Variants in THRAP3 observed in about 807,000 individuals in gnomAD.
THRAP3 encodes the protein thyroid hormone receptor-associated protein 3.
In THRAP3, 16 loss-of-function variants were observed where a neutral mutation model predicts 101.0. The observed-to-expected ratio is 0.16, with a 90% CI of 0.11 to 0.24. The LOEUF (loss-of-function observed/expected upper bound fraction) is 0.24. THRAP3 is among the 10% of genes least tolerant of loss of function. The pLI is 1.00. For missense variants in THRAP3, 989 were observed against 1,202.7 expected, an observed-to-expected ratio of 0.82 and a Z score of 2.63; for synonymous variants, 407 against 422.6, an observed-to-expected ratio of 0.96 and a Z score of 0.45.
intron 1 of THRAP3, among the ~76,000 whole-genome samples, chr1:36,245,968 C>T (rs1448947488): frequency 2.0e-5 from 3 of 152,136 alleles, no homozygotes; most frequent in African/African-American, 4.8e-5. Flanking sequence ...GTTCTAAGTA[C>T]ATTCCATGTA....
rs1646065813 is a variant in THRAP3 at position 36,304,124 on chromosome 1, C to T, written c.*107C>T. The T allele has an allele frequency of 7.1e-7, 1 of 1,410,728 alleles. No individual in the cohort carries two copies. The highest frequency in any genetic ancestry group is 3.0e-5 in the Admixed American group (1 of 32,880). The allele number at this position is 1,410,728 out of a possible 1,614,324, so 87.4% of individuals were successfully genotyped here. A position where few individuals can be genotyped will look rare whatever the true frequency, so the allele number is the denominator to read the frequency against. On this transcript the variant is annotated 3_prime_UTR_variant, in exon 12 of 12. Transcript: ENST00000354618. ...AAGAAGATTCTGAAAATCCTACCCC[C>T]ACCCCCCACCAGCCGCACAGATTGT...
chr1:36,303,112 A>ATTTTT (rs397936228), intron 11 of THRAP3, among the ~76,000 whole-genome samples: 11 of 125,132 alleles, frequency 8.8e-5, no homozygotes, highest in South Asian at 2.6e-4. Flanking sequence ...TGCCTGGCTA[A>ATTTTT]TTTTTTTTTT....
chr1:36,210,720 T>TG, the THRAP3 span, among the ~76,000 whole-genome samples: 242 of 9,276 alleles, frequency 0.026, 26 homozygotes, highest in South Asian at 0.082. Context: ...TATATATATA[T>TG]ATATATATAT....
intron 2 of THRAP3, among the ~76,000 whole-genome samples, chr1:36,275,116 TAC>T (rs142851565): frequency 5.0e-5 from 7 of 139,570 alleles, no homozygotes; most frequent in Admixed American, 1.4e-4. Context: ...TACTAAAAAA[TAC>T]ACACACACAC....
In THRAP3 at chr1:36,235,718, C is replaced by T. The variant is rs76952663; in HGVS notation, c.-135+11213C>T. Among the ~76,000 whole-genome samples the T allele has an allele frequency of 6.3e-3, 961 of 152,164 alleles. 11 individuals are homozygous for T. Among genetic ancestry groups the T allele is most frequent in the African/African-American group, 0.022 (910 of 41,504 alleles). On this transcript the variant is annotated intron_variant, in intron 1 of 11. Transcript: ENST00000354618. ...AACACTATGTACTTCAAGGAACACA[C>T]CTTAAGGATTTCCTATTGGACAGGT...
chr1:36,248,733 A>G (rs1645261723), intron 1 of THRAP3, among the ~76,000 whole-genome samples: 1 of 151,888 alleles, frequency 6.6e-6, no homozygotes, highest in Non-Finnish European at 1.5e-5. Context: ...CACTTGATTT[A>G]TACTTGTGTC....
chr1:36,300,369 T>A (rs1350133356), intron 9 of THRAP3, among the ~76,000 whole-genome samples: 1 of 152,204 alleles, frequency 6.6e-6, no homozygotes, highest in African/African-American at 2.4e-5. Flanking sequence ...AATACTGAGT[T>A]GTATTGTCCT....
chr1:36,299,830 CCT>C (rs1348276023), intron 9 of THRAP3, among the ~76,000 whole-genome samples: 1 of 152,108 alleles, frequency 6.6e-6, no homozygotes, highest in African/African-American at 2.4e-5. Flanking sequence ...TTTTTGAAAA[CCT>C]CTTGAAATAG....
the THRAP3 span, among the ~76,000 whole-genome samples, chr1:36,216,331 C>G: frequency 6.6e-5 from 10 of 151,868 alleles, no homozygotes; most frequent in Middle Eastern, 3.4e-3. Flanking sequence ...ACCAGACTGG[C>G]CAACATGGTG....
chr1:36,218,831 G>A, the THRAP3 span, among the ~76,000 whole-genome samples: 1,190 of 151,918 alleles, frequency 7.8e-3, 8 homozygotes, highest in African/African-American at 0.027. Flanking sequence ...TCAGGAGTTC[G>A]AGACCAGCCT....
Position 36,286,650 on chromosome 1 carries a change from G to T in THRAP3, c.420G>T (p.Arg140Ser). 6.2e-7 allele frequency: 1 copy of T among 1,614,132 alleles called. No homozygotes were observed. Among genetic ancestry groups the T allele is most frequent in the Non-Finnish European group, 8.5e-7 (1 of 1,180,022 alleles). ...PKRRSPSPRS[R>S]SHSRNSDKSS... is the part of the protein sequence containing the mutation. ...GAAGGTCCCCTTCACCAAGGTCCAG[G>T]AGCCATTCTAGAAACTCTGATAAGT... Residue 140 changes from arginine to serine, a missense_variant, in exon 4 of 12, where the codon AGG becomes AGT. Transcript: ENST00000354618. This position sits in a 1 kb window ranked among gnomAD's most constrained non-coding sequence, Gnocchi z 5.5.
chr1:36,259,256 A>C, intron 1 of THRAP3, 126 bp from the exon 2 acceptor site: 1 of 394,914 alleles, frequency 2.5e-6, no homozygotes, highest in Non-Finnish European at 4.5e-6. Flanking sequence ...TTGAGAGAAA[A>C]GCTTGGGTCC....
intron 1 of THRAP3, among the ~76,000 whole-genome samples, chr1:36,229,168 G>A (rs1644995819): frequency 6.6e-6 from 1 of 152,078 alleles, no homozygotes; most frequent in Non-Finnish European, 1.5e-5. Context: ...TGCGATCTTG[G>A]CTTGCTGCAA....
chr1:36,282,560 A>C lies in THRAP3; in HGVS notation c.-4A>C. On this transcript the variant is annotated 5_prime_UTR_variant, in exon 3 of 12. Coordinates refer to ENST00000354618, the MANE Select transcript of THRAP3 (RefSeq NM_005119.4). ...GTAATTGAAAAGTGATCCTCTCTTC[A>C]GAGATGTCAAAAACAAACAAATCCA... The C allele has an allele frequency of 6.2e-7, 1 of 1,613,896 alleles. No homozygotes were observed. The highest frequency in any genetic ancestry group is 8.5e-7 in the Non-Finnish European group (1 of 1,179,914).
At chr1:36,289,039 C>T in intron 4 of THRAP3, 21 bp from the exon 5 acceptor site, 1 of 1,545,146 alleles carries the variant, frequency 6.5e-7, no homozygotes, top group Admixed American at 2.1e-5. Context: ...TTGTGTCTCT[C>T]TCTTGTGTTT....
At chr1:36,241,490 T>C (rs1645160785) in intron 1 of THRAP3, among the ~76,000 whole-genome samples, 1 of 150,458 alleles carries the variant, frequency 6.6e-6, no homozygotes, top group Admixed American at 6.6e-5. Flanking sequence ...CAGCAGAAAT[T>C]CTTAATGTGT....
At chr1:36,297,836 GAAT>G (rs2124638126) in intron 9 of THRAP3, among the ~76,000 whole-genome samples, 1 of 151,556 alleles carries the variant, frequency 6.6e-6, no homozygotes, top group East Asian at 2.0e-4. Flanking sequence ...GCCAAGCTTA[GAAT>G]AATGTGCCTT....
the THRAP3 span, among the ~76,000 whole-genome samples, chr1:36,208,659 CAT>C: frequency 6.6e-6 from 1 of 152,090 alleles, no homozygotes. Context: ...ATGTAACCAA[CAT>C]AATAATTTTT....
At chr1:36,229,412 GTTTT>G (rs1453155517) in intron 1 of THRAP3, among the ~76,000 whole-genome samples, 22 of 81,002 alleles carry the variant, frequency 2.7e-4, no homozygotes, top group Non-Finnish European at 5.8e-4. Context: ...TTTTTTTTTT[GTTTT>G]TTTTTTGTTT....
Sources: gnomAD v4.1 joint callset for allele counts (sites outside exome capture counted in the v4.1 genomes callset) on GRCh38, gnomAD v4.1.1 for gene constraint, Gnocchi (gnomAD v3.1) non-coding constraint, MANE v1.5 for transcripts, NCBI Gene and HGNC (gene_info 2026-07-23, HGNC 2026-07-21) for gene names.